Variants in PILRB observed in about 807,000 individuals in gnomAD.
The protein encoded by PILRB is paired immunoglobin like type 2 receptor beta.
Under a neutral mutation model 20.5 loss-of-function variants are expected in PILRB, and 21 were observed. The ratio of observed to expected loss-of-function variants is 1.02; its 90% CI spans 0.72 to 1.47. The LOEUF is 1.47. Ranked by LOEUF, PILRB falls within the 40% of genes most tolerant of loss-of-function variation. The pLI is 0.00. For synonymous variants in PILRB, 133 were observed against 115.1 expected, an observed-to-expected ratio of 1.16 and a Z score of -0.99; for missense variants, 253 against 272.1, an observed-to-expected ratio of 0.93 and a Z score of 0.49.
chr7:100,367,705 GA>G lies in PILRB; in HGVS notation c.*333del, dbSNP rs11284139. 49,045 of 319,480 alleles carry G rather than the reference GA, an allele frequency of 0.15. 4,376 individuals carry two copies. Among genetic ancestry groups the G allele is most frequent in the Middle Eastern group, 0.19 (203 of 1,086 alleles). 19.8% of individuals were successfully genotyped at this position (319,480 alleles called of 1,614,324 possible). ...AGTTCCTTTATCCTCCCCAAGGATGGAAAAATACAATTTATTTTGCTTACCA... is the reference window on the plus strand; with the variant it reads ...AGTTCCTTTATCCTCCCCAAGGATGGAAAATACAATTTATTTTGCTTACCA... On this transcript the variant is annotated 3_prime_UTR_variant, in exon 4 of 4. Coordinates refer to ENST00000609309, the MANE Select transcript of PILRB (RefSeq NM_178238.4).
chr7:100,367,730 C>T lies in PILRB; in HGVS notation c.*353C>T. 3.8e-6 allele frequency: 1 copy of T among 261,950 alleles called. No homozygotes were observed. 16.2% of individuals were successfully genotyped at this position (261,950 alleles called of 1,614,324 possible). On this transcript the variant is annotated 3_prime_UTR_variant, in exon 4 of 4. Coordinates refer to ENST00000609309, the MANE Select transcript of PILRB (RefSeq NM_178238.4). ...GAAAAATACAATTTATTTTGCTTAC[C>T]ATACACCCCTTTTCTCCTCGTCCAC...
In PILRB at chr7:100,359,450, A is replaced by C. The variant is rs368156384; in HGVS notation, c.568A>C (p.Ile190Leu). 1.2e-6 allele frequency: 2 copies of C among 1,614,198 alleles called. No individual in the cohort carries two copies. Among genetic ancestry groups the C allele is most frequent in the Non-Finnish European group, 1.7e-6 (2 of 1,180,024 alleles). The change falls in exon 3 of 4, where the codon ATC (isoleucine) becomes CTC (leucine). Residue 190 changes from isoleucine to leucine, a missense_variant. By Grantham distance (5) the Ile-to-Leu change is conservative. Transcript: ENST00000609309. ...ATGGCACCTAAGTCTGGACACTGCC[A>C]TCAGGGTTGCATTGGCTGTCGCTGT... Reference protein sequence around the residue: ...ESWHLSLDTAIRVALAVAVLK... With the variant: ...ESWHLSLDTALRVALAVAVLK...
chr7:100,363,549 C>T (rs1424976482), intron 3 of PILRB, among the ~76,000 whole-genome samples: 1 of 152,172 alleles, frequency 6.6e-6, no homozygotes, highest in East Asian at 1.9e-4. Context: ...AGGTGGATGA[C>T]ATTCTTGTTC....
rs1554450314 is a variant in PILRB, at chr7:100,358,317, G to A, written c.15G>A (p.Leu5=). 1 of 1,612,688 alleles carries A rather than the reference G, an allele frequency of 6.2e-7. No homozygotes were observed. Residue 5 remains leucine (L), a synonymous_variant, in exon 1 of 4, where the codon CTG becomes CTA. Transcript: ENST00000609309. ...AGAACAAGGCCATGGGTCGGCCCCT[G>A]CTGCTGCCCCTGCTGCTCCTGCTGC... MGRP[L]LLPLLLLLQP...
chr7:100,358,867 T>G lies in PILRB; in HGVS notation c.242T>G (p.Phe81Cys). 1 of 1,614,078 alleles carries G rather than the reference T, an allele frequency of 6.2e-7. No homozygotes were observed. The highest frequency in any genetic ancestry group is 8.5e-7 in the Non-Finnish European group (1 of 1,180,018). The change falls in exon 2 of 4, where the codon TTC (phenylalanine) becomes TGC (cysteine). Residue 81 changes from phenylalanine to cysteine, a missense_variant. Physicochemically the swap from Phe to Cys is radical, Grantham distance 205. Coordinates refer to ENST00000609309, the MANE Select transcript of PILRB (RefSeq NM_178238.4). ...CGGGGCCACTTCCACGGGCAGTCCT[T>G]CTACAGCACAAGGCCGCCTTCCATT... ...WRRGHFHGQS[F>C]YSTRPPSIHK...
chr7:100,363,220 A>G (rs1324331214), intron 3 of PILRB, among the ~76,000 whole-genome samples: 4 of 152,176 alleles, frequency 2.6e-5, no homozygotes, highest in Non-Finnish European at 5.9e-5. Flanking sequence ...CTAATTTGAA[A>G]AGGAACAAGC....
intron 3 of PILRB, among the ~76,000 whole-genome samples, chr7:100,364,815 C>T (rs1021976177): frequency 2.0e-5 from 3 of 152,088 alleles, no homozygotes; most frequent in Non-Finnish European, 4.4e-5. Context: ...GTCCATCAAA[C>T]AAAATACGGT....
At chr7:100,366,588 G>A (rs936125929) in intron 3 of PILRB, among the ~76,000 whole-genome samples, 1 of 152,104 alleles carries the variant, frequency 6.6e-6, no homozygotes, top group Non-Finnish European at 1.5e-5. Context: ...AGAGGGGAGG[G>A]GAGGCCTAGA....
At chr7:100,361,205 G>A (rs1432834088) in intron 3 of PILRB, among the ~76,000 whole-genome samples, 3 of 152,122 alleles carry the variant, frequency 2.0e-5, no homozygotes, top group African/African-American at 7.2e-5. Flanking sequence ...AAAGTGCTGG[G>A]ATTACAGGCT....
chr7:100,364,020 A>G (rs1237005983), intron 3 of PILRB, among the ~76,000 whole-genome samples: 2 of 151,950 alleles, frequency 1.3e-5, no homozygotes, highest in African/African-American at 4.8e-5. Context: ...AGGCAGGAGA[A>G]TCACTTGAAC....
At chr7:100,358,420 C>T in intron 1 of PILRB, 54 bp downstream of exon 1, 1 of 1,582,006 alleles carries the variant, frequency 6.3e-7, no homozygotes, top group Non-Finnish European at 8.6e-7. Context: ...CAGGAGGGGC[C>T]AACCCAAGAC....
At chr7:100,358,430 CAA>C in intron 1 of PILRB, 64 bp downstream of exon 1, 1 of 1,576,550 alleles carries the variant, frequency 6.3e-7, no homozygotes, top group Non-Finnish European at 8.7e-7. Context: ...CAACCCAAGA[CAA>C]AGGCAGAACA....
rs187902755 is a variant in PILRB, at chr7:100,358,728, G to T, written c.103G>T (p.Val35Phe). The change falls in exon 2 of 4, where the codon GTC (valine) becomes TTC (phenylalanine). Residue 35 changes from valine to phenylalanine, a missense_variant. Transcript: ENST00000609309. ...ATCTGGTCCAAGCTACCTTTATGGG[G>T]TCACTCAACCAAAACACCTCTCAGC... ...TGSGPSYLYGVTQPKHLSASM... is the reference protein window; with the variant it reads ...TGSGPSYLYGFTQPKHLSASM... The T allele has an allele frequency of 4.0e-5, 64 of 1,614,012 alleles. No individual in the cohort carries two copies. Among genetic ancestry groups the T allele is most frequent in the Admixed American group, 5.0e-5 (3 of 60,000 alleles).
intron 3 of PILRB, among the ~76,000 whole-genome samples, chr7:100,360,115 C>T (rs1041460292): frequency 2.0e-5 from 3 of 152,324 alleles, no homozygotes; most frequent in South Asian, 2.1e-4. Context: ...CATCCACGCT[C>T]CCCTGAAGGT....
intron 3 of PILRB, among the ~76,000 whole-genome samples, chr7:100,364,190 G>A (rs1430245443): frequency 6.6e-6 from 1 of 151,816 alleles, no homozygotes; most frequent in Non-Finnish European, 1.5e-5. Flanking sequence ...ATAGTCAAAT[G>A]ATCCTCAACA....
chr7:100,365,344 A>C (rs1182324827), intron 3 of PILRB, among the ~76,000 whole-genome samples: 1 of 152,204 alleles, frequency 6.6e-6, no homozygotes, highest in Non-Finnish European at 1.5e-5. Context: ...CTGTAGTATA[A>C]ATGAGCCTTG....
rs1174765754 is a variant in PILRB, at chr7:100,358,210, C to T, written c.-93C>T. On this transcript the variant is annotated 5_prime_UTR_variant, in exon 1 of 4. Coordinates refer to ENST00000609309, the MANE Select transcript of PILRB (RefSeq NM_178238.4). ...GGGAGCCTCACCCTGGCTCTCCCCACTCACCTCAGCCCTCAGGCAGCCCCT... is the reference window on the plus strand; with the variant it reads ...GGGAGCCTCACCCTGGCTCTCCCCATTCACCTCAGCCCTCAGGCAGCCCCT... 9 of 1,494,622 alleles carry T rather than the reference C, an allele frequency of 6.0e-6. No individual in the cohort carries two copies. The highest frequency in any genetic ancestry group is 1.7e-5 in the Admixed American group (1 of 59,474). The allele number at this position is 1,494,622 out of a possible 1,614,324, so 92.6% of individuals were successfully genotyped here. A position where few individuals can be genotyped will look rare whatever the true frequency, so the allele number is the denominator to read the frequency against.
rs754509617 is a variant in PILRB at position 100,359,422 on chromosome 7, A to G, written c.540A>G (p.Glu180=). The change falls in exon 3 of 4, where the codon GAA becomes GAG. Residue 180 remains glutamate (E), a synonymous_variant. Transcript: ENST00000609309. ...LRVTESKGHS[E]SWHLSLDTAI... ...TCACAGAAAGCAAAGGGCACTCAGA[A>G]TCATGGCACCTAAGTCTGGACACTG... 6 of 1,614,182 alleles carry G rather than the reference A, an allele frequency of 3.7e-6. No individual in the cohort carries two copies. Among genetic ancestry groups the G allele is most frequent in the Non-Finnish European group, 5.1e-6 (6 of 1,180,018 alleles).
chr7:100,358,327 C>T lies in PILRB; in HGVS notation c.25C>T (p.Leu9=), dbSNP rs1563108097. Residue 9 remains leucine (L), a synonymous_variant, in exon 1 of 4, where the codon CTG becomes TTG. Transcript: ENST00000609309. ...CATGGGTCGGCCCCTGCTGCTGCCC[C>T]TGCTGCTCCTGCTGCAGCCGCCAGC... MGRPLLLP[L]LLLLQPPAFL... is the part of the protein sequence containing the mutation. The T allele has an allele frequency of 3.1e-6, 5 of 1,612,898 alleles. No homozygotes were observed. The highest frequency in any genetic ancestry group is 1.7e-4 in the Middle Eastern group (1 of 6,038).
Sources: gnomAD v4.1 joint callset for allele counts (sites outside exome capture counted in the v4.1 genomes callset) on GRCh38, gnomAD v4.1.1 for gene constraint, MANE v1.5 for transcripts, NCBI Gene and HGNC (gene_info 2026-07-23, HGNC 2026-07-21) for gene names.